The following NCKAP1 variants were observed in gnomAD, a reference collection of about 807,000 sequenced individuals.
NCKAP1 encodes NCK associated protein 1.
A neutral mutation model predicts 151.2 loss-of-function variants in NCKAP1; 21 were observed. The ratio of observed to expected loss-of-function variants is 0.14; its 90% confidence interval spans 0.10 to 0.20. The LOEUF (loss-of-function observed/expected upper bound fraction) is 0.20, where lower values mean the gene tolerates loss of function less well. Among genes scored for constraint, NCKAP1 ranks in the 10% least tolerant of loss-of-function variants. The pLI is 1.00. For missense variants in NCKAP1, 933 were observed against 1,352.1 expected (o/e 0.69, Z 4.86); for synonymous variants, 484 against 451.8 (o/e 1.07, Z -0.90).
intron 2 of NCKAP1, among the ~76,000 whole-genome samples, chr2:183,021,741 A>G (rs1050993726): frequency 6.6e-6 from 1 of 152,218 alleles, no homozygotes; most frequent in African/African-American, 2.4e-5. Flanking sequence ...CAGAATAGGC[A>G]CAGAGACAGA....
rs1699146233 is a variant in NCKAP1, at chr2:183,038,240, C to T, written c.-141G>A. 2.4e-5 allele frequency: 12 copies of T among 489,904 alleles called. No individual in the cohort carries two copies. The South Asian group carries it at 4.9e-4, about 20-fold the overall frequency. 30.3% of individuals were successfully genotyped at this position (489,904 alleles called of 1,614,324 possible). On this transcript the variant is annotated 5_prime_UTR_variant, in exon 1 of 31. Coordinates refer to ENST00000361354, the MANE Select transcript of NCKAP1 (RefSeq NM_013436.5). ...GAGAGCGCGCCCATGGCCCTCGCGC[C>T]CCAATCCCGCGCCGGCGACAGAGCG...
chr2:182,973,606 G>A (rs1697744199), intron 15 of NCKAP1, among the ~76,000 whole-genome samples: 1 of 152,002 alleles, frequency 6.6e-6, no homozygotes, highest in Non-Finnish European at 1.5e-5. Context: ...TCTCCCAAAG[G>A]CTTACTCTTC....
At chr2:182,998,380 T>C (rs1434371468) in intron 6 of NCKAP1, among the ~76,000 whole-genome samples, 2 of 151,812 alleles carry the variant, frequency 1.3e-5, no homozygotes, top group South Asian at 2.1e-4. Context: ...GGCATCCAAA[T>C]TGAAAAAAAG....
At chr2:182,953,406 T>C (rs1295232724) in intron 20 of NCKAP1, 75 bp from the exon 21 acceptor site, 1 of 910,448 alleles carries the variant, frequency 1.1e-6, no homozygotes, top group Non-Finnish European at 1.7e-6. Context: ...CTCAACCTAC[T>C]GTTATCTAAT....
At chr2:182,942,252 T>C (rs79263912) in intron 23 of NCKAP1, 89 bp from the exon 24 acceptor site, 64,201 of 933,294 alleles carry the variant, frequency 0.069, 2,689 homozygotes, top group Non-Finnish European at 0.083. Context: ...ATCTGGCAAG[T>C]AGGAAACACA....
intron 24 of NCKAP1, among the ~76,000 whole-genome samples, chr2:182,941,132 A>G (rs10194276): frequency 2.0e-5 from 3 of 149,162 alleles, no homozygotes; most frequent in African/African-American, 7.4e-5. Context: ...TTGGGATTTC[A>G]TTTTTTTTTT....
At chr2:182,948,803 A>G (rs1357439075) in intron 23 of NCKAP1, among the ~76,000 whole-genome samples, 1 of 152,262 alleles carries the variant, frequency 6.6e-6, no homozygotes, top group Non-Finnish European at 1.5e-5. Flanking sequence ...AGTATGGCAT[A>G]GCTACCAAAT....
intron 23 of NCKAP1, among the ~76,000 whole-genome samples, chr2:182,951,636 C>CAAAA (rs11336221): frequency 2.5e-4 from 23 of 90,658 alleles, no homozygotes; most frequent in East Asian, 3.9e-4. Context: ...GACTCCATCT[C>CAAAA]AAAAAAAAAA....
chr2:183,025,983 T>C (rs1698887097), intron 1 of NCKAP1, among the ~76,000 whole-genome samples: 1 of 152,206 alleles, frequency 6.6e-6, no homozygotes, highest in Non-Finnish European at 1.5e-5. Context: ...CAGATCACCA[T>C]ATCCATTTCC....
chr2:182,931,189 T>C (rs772355216), intron 26 of NCKAP1, among the ~76,000 whole-genome samples: 3 of 152,142 alleles, frequency 2.0e-5, no homozygotes, highest in Non-Finnish European at 2.9e-5. Flanking sequence ...TGGTTCAATG[T>C]CTAATCATAT....
chr2:182,942,798 T>C (rs1462450740), intron 23 of NCKAP1, among the ~76,000 whole-genome samples: 3 of 151,926 alleles, frequency 2.0e-5, no homozygotes, highest in Middle Eastern at 3.2e-3. Context: ...GTATAACTCA[T>C]TGAAGAATGT....
At chr2:182,928,318 A>G in intron 28 of NCKAP1, 92 bp from the exon 29 acceptor site, 1 of 843,224 alleles carries the variant, frequency 1.2e-6, no homozygotes, top group Non-Finnish European at 1.9e-6. Context: ...CTGCATAAAT[A>G]GGGGCATAAT....
intron 23 of NCKAP1, among the ~76,000 whole-genome samples, chr2:182,949,407 C>T (rs1697170034): frequency 6.6e-6 from 1 of 152,190 alleles, no homozygotes; most frequent in Admixed American, 6.5e-5. Flanking sequence ...CTTGGCCTCA[C>T]TTTCCTAATT....
chr2:182,923,944 C>T lies in NCKAP1; in HGVS notation c.*1758G>A, dbSNP rs1199948398. The T allele has an allele frequency of 1.3e-5, 2 of 152,262 alleles. No individual in the cohort carries two copies. Among genetic ancestry groups the T allele is most frequent in the East Asian group, 3.9e-4 (2 of 5,180 alleles). The allele number at this position is 152,262 out of a possible 1,614,324, so 9.4% of individuals were successfully genotyped here. A position where few individuals can be genotyped will look rare whatever the true frequency, so the allele number is the denominator to read the frequency against. On this transcript the variant is annotated 3_prime_UTR_variant, in exon 31 of 31. Transcript: ENST00000361354. ...CCTTATTTTCATCCTTATGCCCTTT[C>T]ACATATGATTCCAAAGTGTACATAT...
intron 20 of NCKAP1, among the ~76,000 whole-genome samples, chr2:182,953,956 A>G (rs1488793896): frequency 1.3e-5 from 2 of 152,320 alleles, no homozygotes; most frequent in East Asian, 1.9e-4. Flanking sequence ...ACAGTGAACT[A>G]TTTAGTCTAC....
intron 30 of NCKAP1, among the ~76,000 whole-genome samples, chr2:182,926,610 T>A (rs1696653123): frequency 1.3e-5 from 2 of 152,108 alleles, no homozygotes; most frequent in Non-Finnish European, 2.9e-5. Context: ...CAGTTAATGC[T>A]AACCTTTGAT....
In NCKAP1 at chr2:182,978,904, A is replaced by C. The variant is rs767579439; in HGVS notation, c.1353T>G (p.Val451=). The C allele has an allele frequency of 6.2e-7, 1 of 1,607,774 alleles. No individual in the cohort carries two copies. Among genetic ancestry groups the C allele is most frequent in the East Asian group, 2.2e-5 (1 of 44,610 alleles). The change falls in exon 14 of 31, where the codon GTT becomes GTG. Residue 451 remains valine, a synonymous_variant. Transcript: ENST00000361354. ...TGATGATTGATTCATCTTCAGGGCA[A>C]ACAGAAAGATTCTGAAAAACAAACA... ...VLNELVQNLS[V]CPEDESIIMS...
chr2:182,931,212 T>C (rs1696756208), intron 26 of NCKAP1, among the ~76,000 whole-genome samples: 2 of 152,118 alleles, frequency 1.3e-5, no homozygotes, highest in Admixed American at 1.3e-4. Flanking sequence ...TATCTATAAA[T>C]ATAGCAAATT....
intron 15 of NCKAP1, among the ~76,000 whole-genome samples, chr2:182,972,622 T>C (rs1030171789): frequency 1.3e-5 from 2 of 152,212 alleles, no homozygotes; most frequent in Admixed American, 6.5e-5. Flanking sequence ...CCCATGTTTA[T>C]TGCAGCAATA....
Sources: allele counts gnomAD v4.1 joint callset (sites outside exome capture counted in the v4.1 genomes callset), GRCh38; gene constraint gnomAD v4.1.1; transcripts MANE v1.5; gene names NCBI Gene and HGNC (gene_info 2026-07-23, HGNC 2026-07-21).